DNAAF6: variants seen among roughly 807,000 people sequenced by gnomAD.
DNAAF6 encodes PIH1 domain containing 3.
In DNAAF6, 3 loss-of-function variants were observed where a neutral mutation model predicts 13.7. The observed-to-expected ratio is 0.22, with a 90% confidence interval of 0.10 to 0.56. The LOEUF (loss-of-function observed/expected upper bound fraction) is 0.56, where lower values mean the gene tolerates loss of function less well. Ranked by LOEUF, DNAAF6 falls within the 20% of genes least tolerant of loss-of-function variation. The probability of loss-of-function intolerance (pLI) is 0.92; values close to 1 mark genes in which losing one functional copy is unlikely to be tolerated. For missense variants in DNAAF6, 130 were observed against 151.0 expected, an observed-to-expected ratio of 0.86 and a Z score of 0.73; for synonymous variants, 54 against 49.2, an observed-to-expected ratio of 1.10 and a Z score of -0.41.
rs180972259 is a variant in DNAAF6, at chrX:107,219,444, A to C, written c.332+475A>C. 3.7e-3 allele frequency among the ~76,000 whole-genome samples: 412 copies of C among 111,791 alleles called. 8 individuals carry two copies. Among genetic ancestry groups the C allele is most frequent in the African/African-American group, 0.012 (358 of 30,826 alleles). On this transcript the variant is annotated intron_variant, in intron 4 of 6. Coordinates refer to ENST00000372453, the MANE Select transcript of DNAAF6 (RefSeq NM_173494.2). ...TACTAGATATTCTAAGATTATATTT[A>C]GTGTTCAGTGTATTTTGCAAGCAGG...
At chrX:107,220,918 T>C (rs866392752) in intron 4 of DNAAF6, among the ~76,000 whole-genome samples, 1 of 60,512 alleles carries the variant, frequency 1.7e-5, no homozygotes, top group African/African-American at 7.4e-5. Context: ...TTTCTTTCTT[T>C]CTTTCTTTCT....
At position 107,222,835 on chromosome X, in the gene DNAAF6, A is replaced by G. The variant is rs759265594; in HGVS notation, c.423A>G (p.Glu141=). The G allele has an allele frequency of 2.8e-5, 33 of 1,199,357 alleles. No homozygotes were observed. The highest frequency in any genetic ancestry group is 9.0e-5 in the Admixed American group (4 of 44,553). Residue 141 remains glutamate (E), a synonymous_variant, in exon 5 of 7, where the codon GAA becomes GAG. Transcript: ENST00000372453. ...KKDSSTGCCS[E]LVAKIKLPNT... ...ACTCCTCAACAGGTTGTTGCAGTGAACTAGTGGTAAGCCTCTCCTCCCCTT... is the reference window on the plus strand; with the variant it reads ...ACTCCTCAACAGGTTGTTGCAGTGAGCTAGTGGTAAGCCTCTCCTCCCCTT...
At chrX:107,216,786 C>G in intron 3 of DNAAF6, 43 bp downstream of exon 3, 5 of 973,358 alleles carry the variant, frequency 5.1e-6, no homozygotes, top group Non-Finnish European at 4.2e-6. Context: ...ATAATCTTTT[C>G]CTTGGTAGAG....
intron 1 of DNAAF6, among the ~76,000 whole-genome samples, chrX:107,209,279 AT>A (rs1927795888): frequency 9.1e-6 from 1 of 109,940 alleles, no homozygotes; most frequent in African/African-American, 3.4e-5. Flanking sequence ...TTTAAAAAAA[AT>A]AAATAAATAA....
chrX:107,208,611 C>T (rs1190309173), intron 1 of DNAAF6, among the ~76,000 whole-genome samples: 1 of 106,748 alleles, frequency 9.4e-6, no homozygotes, highest in Non-Finnish European at 1.9e-5. Flanking sequence ...GATCTCGGCT[C>T]ACTGCAACTT....
At chrX:107,230,871 CCTT>C (rs1411294983) in intron 5 of DNAAF6, among the ~76,000 whole-genome samples, 1 of 111,654 alleles carries the variant, frequency 9.0e-6, no homozygotes, top group Non-Finnish European at 1.9e-5. Flanking sequence ...CTTATCCTGA[CCTT>C]CTTTTTGATC....
chrX:107,240,003 A>G lies in DNAAF6; in HGVS notation c.515+996A>G, dbSNP rs147558882. Among the ~76,000 whole-genome samples, 936 of 112,067 alleles carry G rather than the reference A, an allele frequency of 8.4e-3. 7 individuals are homozygous for G. The highest frequency in any genetic ancestry group is 0.029 in the African/African-American group (905 of 30,910). ...TTGCAAGCTTGTTAAAAGCACACAC[A>G]TGTCTACACACCATGGGGTTAATTT... On this transcript the variant is annotated intron_variant, in intron 6 of 6. Transcript: ENST00000372453.
chrX:107,221,045 C>T (rs1981634680), intron 4 of DNAAF6, among the ~76,000 whole-genome samples: 2 of 106,164 alleles, frequency 1.9e-5, no homozygotes, highest in Admixed American at 2.0e-4. Flanking sequence ...GATCTCGGCT[C>T]ACTGCAACCT....
intron 5 of DNAAF6, among the ~76,000 whole-genome samples, chrX:107,238,669 C>A (rs1928568581): frequency 8.9e-6 from 1 of 111,844 alleles, no homozygotes; most frequent in Non-Finnish European, 1.9e-5. Context: ...TTCTGTATAG[C>A]TTTGGAGCCA....
chrX:107,211,408 G>A (rs1927854519), intron 1 of DNAAF6, among the ~76,000 whole-genome samples: 1 of 111,550 alleles, frequency 9.0e-6, no homozygotes, highest in Non-Finnish European at 1.9e-5. Flanking sequence ...AAAATATTTT[G>A]GCTAAAGTGG....
At chrX:107,222,967 G>T in intron 5 of DNAAF6, 126 bp downstream of exon 5, 1 of 867,949 alleles carries the variant, frequency 1.2e-6, no homozygotes. Context: ...TATGTTTCAC[G>T]TACTAGGGTA....
chrX:107,227,640 C>T, intron 5 of DNAAF6, among the ~76,000 whole-genome samples: 1 of 110,692 alleles, frequency 9.0e-6, no homozygotes. Context: ...AATTTCTAAT[C>T]GCTGTCTCAG....
At chrX:107,241,499 TTTACTCACTCATTCA>T (rs1257427017) in intron 6 of DNAAF6, among the ~76,000 whole-genome samples, 1 of 111,874 alleles carries the variant, frequency 8.9e-6, no homozygotes. Flanking sequence ...GCTTCATTTA[TTTACTCACTCATTCA>T]TTTATTTATT....
intron 4 of DNAAF6, among the ~76,000 whole-genome samples, chrX:107,220,911 CTTT>C (rs1476828932): frequency 5.3e-4 from 7 of 13,317 alleles, no homozygotes; most frequent in African/African-American, 1.2e-3. Context: ...CCCTTTCTTT[CTTT>C]CTTTCTTTCT....
chrX:107,217,552 T>TA (rs755164968), intron 3 of DNAAF6, among the ~76,000 whole-genome samples: 1 of 111,573 alleles, frequency 9.0e-6, no homozygotes, highest in Non-Finnish European at 1.9e-5. Flanking sequence ...AGTTTACTTA[T>TA]AAAAAAAAGT....
intron 5 of DNAAF6, among the ~76,000 whole-genome samples, chrX:107,235,834 AAAT>A (rs1403362645): frequency 2.7e-5 from 3 of 111,605 alleles, no homozygotes; most frequent in Non-Finnish European, 5.7e-5. Flanking sequence ...AGTAAACAAT[AAAT>A]AATAAGTGGC....
At chrX:107,236,199 G>C (rs1569376567) in intron 5 of DNAAF6, among the ~76,000 whole-genome samples, 1 of 111,649 alleles carries the variant, frequency 9.0e-6, no homozygotes, top group African/African-American at 3.3e-5. Flanking sequence ...TGATTCCAAA[G>C]GTTGAGTTCT....
At chrX:107,222,665 T>C in intron 4 of DNAAF6, 80 bp from the exon 5 acceptor site, 1 of 1,124,163 alleles carries the variant, frequency 8.9e-7, no homozygotes, top group Non-Finnish European at 1.2e-6. Context: ...TAGCATATCC[T>C]CATAAGTTAC....
chrX:107,216,272 C>T (rs957659726), intron 2 of DNAAF6, among the ~76,000 whole-genome samples: 7 of 111,660 alleles, frequency 6.3e-5, no homozygotes, highest in Non-Finnish European at 1.3e-4. Flanking sequence ...CTTTCACATA[C>T]TCTGTCCTCC....
Sources: gnomAD v4.1 joint callset for allele counts (sites outside exome capture counted in the v4.1 genomes callset) on GRCh38, gnomAD v4.1.1 for gene constraint, MANE v1.5 for transcripts, NCBI Gene and HGNC (gene_info 2026-07-23, HGNC 2026-07-21) for gene names.